The following TOX variants were observed in gnomAD, a reference collection of about 807,000 sequenced individuals.
The protein encoded by TOX is thymocyte selection-associated high mobility group box protein TOX.
A neutral mutation model predicts 53.7 loss-of-function variants in TOX; 11 were observed. That is an observed-to-expected ratio of 0.20 (90% confidence interval 0.13 to 0.34). TOX has a LOEUF of 0.34. Ranked by LOEUF, TOX falls within the 10% of genes least tolerant of loss-of-function variation. The pLI, the probability that TOX is intolerant of heterozygous loss-of-function variation, is 1.00. For missense variants in TOX, 570 were observed against 664.6 expected (o/e 0.86, Z 1.56); for synonymous variants, 225 against 245.3 (o/e 0.92, Z 0.77).
intron 2 of TOX, among the ~76,000 whole-genome samples, chr8:58,958,967 C>T (rs1488472653): frequency 2.0e-5 from 3 of 152,138 alleles, no homozygotes; most frequent in Admixed American, 6.5e-5. Flanking sequence ...GTTTTATGCT[C>T]CCTCCCAACC....
At chr8:59,097,773 A>T (rs1393940771) in intron 1 of TOX, among the ~76,000 whole-genome samples, 1 of 152,202 alleles carries the variant, frequency 6.6e-6, no homozygotes, top group African/African-American at 2.4e-5. Flanking sequence ...TGATATGTAA[A>T]CATTATGTTT....
At chr8:58,949,692 G>A (rs1472533532) in intron 2 of TOX, among the ~76,000 whole-genome samples, 1 of 152,024 alleles carries the variant, frequency 6.6e-6, no homozygotes, top group Non-Finnish European at 1.5e-5. Flanking sequence ...CAGCCTTTAA[G>A]TTTTAATAAA....
At chr8:59,079,724 A>C (rs1804364170) in intron 1 of TOX, among the ~76,000 whole-genome samples, 1 of 152,182 alleles carries the variant, frequency 6.6e-6, no homozygotes. Context: ...TGAGAAGGGG[A>C]AATGTGGGGT....
chr8:58,899,446 C>T (rs561332365), intron 3 of TOX, among the ~76,000 whole-genome samples: 1 of 152,284 alleles, frequency 6.6e-6, no homozygotes, highest in East Asian at 1.9e-4. Context: ...ATATTGGAGT[C>T]TCTCACACAG....
chr8:58,848,627 T>C (rs924999053), intron 4 of TOX, among the ~76,000 whole-genome samples: 1 of 152,154 alleles, frequency 6.6e-6, no homozygotes, highest in East Asian at 1.9e-4. Flanking sequence ...TCTCTTATAT[T>C]ACAAATACGG....
chr8:58,817,107 C>T (rs1038913831), intron 6 of TOX, among the ~76,000 whole-genome samples: 1 of 152,026 alleles, frequency 6.6e-6, no homozygotes, highest in Non-Finnish European at 1.5e-5. Flanking sequence ...GTATGCCAAA[C>T]CATGGAAACC....
At chr8:58,986,733 T>C (rs1177327815) in intron 1 of TOX, among the ~76,000 whole-genome samples, 1 of 152,118 alleles carries the variant, frequency 6.6e-6, no homozygotes, top group Non-Finnish European at 1.5e-5. Context: ...CAATAATACA[T>C]AAATAAACTG....
intron 1 of TOX, among the ~76,000 whole-genome samples, chr8:59,061,018 C>G (rs1458979311): frequency 6.6e-6 from 1 of 152,162 alleles, no homozygotes; most frequent in Non-Finnish European, 1.5e-5. Flanking sequence ...ACTCCCTACT[C>G]AAAATCTTCC....
At chr8:59,043,227 A>ATGTGTGTG (rs1160526508) in intron 1 of TOX, among the ~76,000 whole-genome samples, 1 of 110,170 alleles carries the variant, frequency 9.1e-6, no homozygotes, top group African/African-American at 3.6e-5. Context: ...GTGTGTGTGC[A>ATGTGTGTG]TCTGTGTGTG....
Position 58,808,053 on chromosome 8 carries a change from A to G in TOX, c.1544+65T>C, listed in dbSNP as rs556282526. The G allele has an allele frequency of 5.2e-6, 8 of 1,541,884 alleles. No individual in the cohort carries two copies. The South Asian group carries it at 1.0e-4, about 20-fold the overall frequency. On this transcript the variant is annotated intron_variant, in intron 8 of 8. Coordinates refer to ENST00000361421, the MANE Select transcript of TOX (RefSeq NM_014729.3). ...TGTTTTTGGAAACAAGAGAACGATC[A>G]ACTAGGGACGATATGCATGCTATGA...
intron 2 of TOX, among the ~76,000 whole-genome samples, chr8:58,947,635 T>A (rs1900773): frequency 9.2e-5 from 14 of 151,988 alleles, no homozygotes; most frequent in Admixed American, 9.2e-4. Context: ...GTTATAAAGA[T>A]AGTGAATTAG....
chr8:58,807,682 C>T lies in TOX; in HGVS notation c.*65G>A, dbSNP rs1002358351. On this transcript the variant is annotated 3_prime_UTR_variant, in exon 9 of 9. Coordinates refer to ENST00000361421, the MANE Select transcript of TOX (RefSeq NM_014729.3). The stretch of plus-strand genomic sequence containing the variant: ...AAAATGGAGAACTGCCTTGACTGTA[C>T]AAAGCAATCCATGGTGAAAACACTT... 23 of 1,591,588 alleles carry T rather than the reference C, an allele frequency of 1.4e-5. No individual in the cohort carries two copies. The highest frequency in any genetic ancestry group is 1.9e-5 in the Non-Finnish European group (22 of 1,160,434).
At chr8:59,116,204 A>G (rs2129425271) in intron 1 of TOX, among the ~76,000 whole-genome samples, 1 of 152,334 alleles carries the variant, frequency 6.6e-6, no homozygotes, top group South Asian at 2.1e-4. Flanking sequence ...TAAAATAAAG[A>G]TAATTAGTAA....
At chr8:59,108,884 T>A (rs1284966475) in intron 1 of TOX, among the ~76,000 whole-genome samples, 8 of 152,176 alleles carry the variant, frequency 5.3e-5, no homozygotes, top group Non-Finnish European at 8.8e-5. Context: ...CTAATTTTAA[T>A]GCAGATAAGT....
intron 1 of TOX, among the ~76,000 whole-genome samples, chr8:58,969,413 A>C (rs573245824): frequency 1.4e-4 from 22 of 152,316 alleles, no homozygotes; most frequent in Admixed American, 3.9e-4. Flanking sequence ...GAATCTGAGA[A>C]GTCTTTCAAT....
At chr8:58,972,775 TA>T (rs964670418) in intron 1 of TOX, among the ~76,000 whole-genome samples, 17 of 152,326 alleles carry the variant, frequency 1.1e-4, no homozygotes, top group Non-Finnish European at 2.1e-4. Context: ...ACATTATTAA[TA>T]ACTTTTGCAC....
intron 1 of TOX, among the ~76,000 whole-genome samples, chr8:59,093,927 A>C (rs190616703): frequency 9.3e-4 from 141 of 152,316 alleles, no homozygotes; most frequent in African/African-American, 3.1e-3. Flanking sequence ...AGCTTGTCAC[A>C]CTAAACAAGA....
At chr8:59,082,532 G>GATCAAAACATATTTACGAAAA (rs1804428146) in intron 1 of TOX, among the ~76,000 whole-genome samples, 1 of 152,156 alleles carries the variant, frequency 6.6e-6, no homozygotes, top group Admixed American at 6.5e-5. Flanking sequence ...ACATCTCTAC[G>GATCAAAACATATTTACGAAAA]TATGTACATC....
Position 58,991,282 on chromosome 8 carries a change from G to C in TOX, c.103-31274C>G, listed in dbSNP as rs1813441316. 2.0e-5 allele frequency among the ~76,000 whole-genome samples: 3 copies of C among 152,182 alleles called. No homozygotes were observed. The South Asian group carries it at 6.2e-4, about 32-fold the overall frequency. On this transcript the variant is annotated intron_variant, in intron 1 of 8. Coordinates refer to ENST00000361421, the MANE Select transcript of TOX (RefSeq NM_014729.3). Reference sequence around the variant, plus strand: ...AAGCTGAAGGGATCTGCTCATTTAGGACAGGATTAAGAAGAAAATTAAGGA... The same window carrying C: ...AAGCTGAAGGGATCTGCTCATTTAGCACAGGATTAAGAAGAAAATTAAGGA...
Sources: allele counts gnomAD v4.1 joint callset (sites outside exome capture counted in the v4.1 genomes callset), GRCh38; gene constraint gnomAD v4.1.1; transcripts MANE v1.5; gene names NCBI Gene and HGNC (gene_info 2026-07-23, HGNC 2026-07-21).